BPIFB4: variants seen among roughly 807,000 people sequenced by gnomAD.
BPIFB4 encodes BPI fold-containing family B member 4.
BPIFB4 carries 62 observed loss-of-function variants against 69.2 expected under a neutral mutation model. The ratio of observed to expected loss-of-function variants is 0.90; its 90% CI spans 0.73 to 1.11. The LOEUF (loss-of-function observed/expected upper bound fraction) is 1.11. BPIFB4 is among the 50% of genes least tolerant of loss of function. The pLI, the probability that BPIFB4 is intolerant of heterozygous loss-of-function variation, is 0.00. For missense variants in BPIFB4, 789 were observed against 792.0 expected, an observed-to-expected ratio of 1.00 and a Z score of 0.04; for synonymous variants, 330 against 332.7, an observed-to-expected ratio of 0.99 and a Z score of 0.09.
intron 11 of BPIFB4, 114 bp from the exon 12 acceptor site, chr20:33,094,986 G>A (rs1600558865): frequency 1.0e-5 from 11 of 1,052,562 alleles, no homozygotes; most frequent in East Asian, 4.9e-5. Flanking sequence ...GAGAGAAGAC[G>A]AAGACGCCCT....
chr20:33,104,773 C>G (rs776910882), intron 15 of BPIFB4, 37 bp from the exon 16 acceptor site: 1 of 1,605,796 alleles, frequency 6.2e-7, no homozygotes, highest in African/African-American at 1.3e-5. Context: ...CTGAGCAAAC[C>G]CCCTGCCCAG....
intron 17 of BPIFB4, among the ~76,000 whole-genome samples, chr20:33,108,747 A>G (rs1054040411): frequency 1.1e-4 from 16 of 152,244 alleles, no homozygotes; most frequent in African/African-American, 3.9e-4. Context: ...GGCCTGGCAC[A>G]TAATAAGCAC....
intron 11 of BPIFB4, among the ~76,000 whole-genome samples, chr20:33,094,864 A>G (rs1380808684): frequency 6.6e-6 from 1 of 151,902 alleles, no homozygotes; most frequent in Non-Finnish European, 1.5e-5. Context: ...TCTTTGAAAC[A>G]CTCCTTGGTC....
chr20:33,089,540 C>T lies in BPIFB4; in HGVS notation c.1033C>T (p.Gln345Ter), dbSNP rs749270544. 6.2e-7 allele frequency: 1 copy of T among 1,614,224 alleles called. No individual in the cohort carries two copies. Among genetic ancestry groups the T allele is most frequent in the Non-Finnish European group, 8.5e-7 (1 of 1,180,034 alleles). ...VDVVLGLVND[Q>*]LGLVDSLIPL... Reference sequence around the variant, plus strand: ...TGTGGTGCTGGGTCTTGTCAATGACCAGCTGGGCCTCGTGGATTGTAAGTC... The same window carrying T: ...TGTGGTGCTGGGTCTTGTCAATGACTAGCTGGGCCTCGTGGATTGTAAGTC... The change falls in exon 9 of 18, where the codon CAG (glutamine) becomes TAG (stop). Residue 345 changes from glutamine (Q) to a stop codon, truncating the protein, a stop_gained. Transcript: ENST00000375483. LOFTEE classifies it high-confidence loss of function.
At chr20:33,083,306 G>A in intron 4 of BPIFB4, 61 bp from the exon 5 acceptor site, 2 of 1,540,436 alleles carry the variant, frequency 1.3e-6, no homozygotes, top group Non-Finnish European at 8.9e-7. Context: ...CAGTGGTGGT[G>A]GTCTTTTGGG....
intron 14 of BPIFB4, among the ~76,000 whole-genome samples, chr20:33,100,802 G>A (rs1264749059): frequency 6.6e-6 from 1 of 152,234 alleles, no homozygotes; most frequent in African/African-American, 2.4e-5. Context: ...GACTGATTGA[G>A]GCCAGGAGTT....
chr20:33,089,094 C>T lies in BPIFB4; in HGVS notation c.990+65C>T, dbSNP rs41289876. ...TTCCCCCAGACTGAGGGGCCATAGT[C>T]CAGCCTCCATCCCTGGGGGCCTGCA... On this transcript the variant is annotated intron_variant, in intron 8 of 17. Transcript: ENST00000375483. 8.0e-3 allele frequency: 12,855 copies of T among 1,610,108 alleles called. 90 individuals are homozygous for T. Among genetic ancestry groups the T allele is most frequent in the Middle Eastern group, 0.019 (116 of 6,050 alleles).
chr20:33,111,511 G>A lies in BPIFB4; in HGVS notation c.*74G>A, dbSNP rs1231163069. The A allele has an allele frequency of 3.2e-5, 50 of 1,580,152 alleles. No homozygotes were observed. Among genetic ancestry groups the A allele is most frequent in the Admixed American group, 8.5e-5 (5 of 58,530 alleles). ...CCCAGAGAGGCTCGGCCTGGAAACA[G>A]TCCCCTGCCCAGAGTCCCCTCAGCC... On this transcript the variant is annotated 3_prime_UTR_variant, in exon 18 of 18. Transcript: ENST00000375483.
Position 33,092,557 on chromosome 20 carries a change from A to T in BPIFB4, c.1243A>T (p.Asn415Tyr). 6.2e-7 allele frequency: 1 copy of T among 1,614,138 alleles called. No individual in the cohort carries two copies. The highest frequency in any genetic ancestry group is 8.5e-7 in the Non-Finnish European group (1 of 1,180,028). The change falls in exon 11 of 18, where the codon AAC becomes TAC. Residue 415 changes from asparagine (N) to tyrosine (Y), a missense_variant. By Grantham distance (143) the Asn-to-Tyr change is moderately radical. This residue lies in a region of BPIFB4 where 611 missense variants were observed against 575.4 expected (regional missense o/e 1.06). Coordinates refer to ENST00000375483, the MANE Select transcript of BPIFB4 (RefSeq NM_182519.3). Reference protein sequence around the residue: ...PMPELPPMGDNTKSQLAMSAN... With the variant: ...PMPELPPMGDYTKSQLAMSAN... ...GCCAGAGCTGCCTCCCATGGGTGAC[A>T]ACACCAAGTCCCAGCTGGCCATGTC...
chr20:33,084,923 G>A lies in BPIFB4; in HGVS notation c.709G>A (p.Val237Met). ...TATCGTGGAGCTGACCCTCCCTCGG[G>A]TGTCCGTGCGGCTCCTGCCCGGCGT... ...LRIVELTLPR[V>M]SVRLLPGVGV... Residue 237 changes from valine (V) to methionine (M), a missense_variant, in exon 6 of 18, where the codon GTG becomes ATG. This residue lies in a region of BPIFB4 where 611 missense variants were observed against 575.4 expected (regional missense o/e 1.06). Transcript: ENST00000375483. The A allele has an allele frequency of 6.2e-7, 1 of 1,610,536 alleles. No individual in the cohort carries two copies. Among genetic ancestry groups the A allele is most frequent in the Non-Finnish European group, 8.5e-7 (1 of 1,179,984 alleles).
intron 11 of BPIFB4, among the ~76,000 whole-genome samples, chr20:33,094,156 C>T (rs1981692038): frequency 6.6e-6 from 1 of 152,252 alleles, no homozygotes; most frequent in African/African-American, 2.4e-5. Context: ...AGTTAGCCCT[C>T]TCTTGCACTT....
At chr20:33,099,523 G>A (rs1260145326) in intron 13 of BPIFB4, among the ~76,000 whole-genome samples, 1 of 152,152 alleles carries the variant, frequency 6.6e-6, no homozygotes, top group Non-Finnish European at 1.5e-5. Flanking sequence ...TGCCTGGCTT[G>A]GTCCCTTTTC....
chr20:33,081,699 G>A, intron 3 of BPIFB4, 67 bp downstream of exon 3: 1 of 1,535,890 alleles, frequency 6.5e-7, no homozygotes, highest in Non-Finnish European at 8.8e-7. Context: ...CAACTCTGAA[G>A]TACCCAGGAA....
intron 8 of BPIFB4, 109 bp from the exon 9 acceptor site, chr20:33,089,389 C>T: frequency 1.3e-6 from 2 of 1,545,594 alleles, no homozygotes; most frequent in Non-Finnish European, 1.8e-6. Context: ...GTGCCTGGCA[C>T]AGAGCAAGCA....
intron 17 of BPIFB4, among the ~76,000 whole-genome samples, chr20:33,110,268 C>G (rs990065194): frequency 3.9e-5 from 6 of 152,106 alleles, no homozygotes; most frequent in African/African-American, 7.2e-5. Flanking sequence ...TGAGTCTGGC[C>G]TATTTTGTGC....
chr20:33,106,337 G>A (rs1306024845), intron 16 of BPIFB4, among the ~76,000 whole-genome samples: 2 of 151,716 alleles, frequency 1.3e-5, no homozygotes, highest in Non-Finnish European at 2.9e-5. Flanking sequence ...ATGACTGGGC[G>A]AAGGGCTGGG....
intron 2 of BPIFB4, among the ~76,000 whole-genome samples, chr20:33,080,855 T>C (rs1273992418): frequency 5.9e-5 from 9 of 151,774 alleles, no homozygotes; most frequent in Non-Finnish European, 1.0e-4. Flanking sequence ...GGATGACAGA[T>C]GGATGATAGA....
intron 5 of BPIFB4, among the ~76,000 whole-genome samples, chr20:33,084,337 A>C (rs1419076280): frequency 6.6e-6 from 1 of 152,228 alleles, no homozygotes; most frequent in East Asian, 1.9e-4. Flanking sequence ...TAAGCCAAGA[A>C]AAGACACATT....
chr20:33,107,241 A>AAGGAAG (rs1568589335), intron 16 of BPIFB4, among the ~76,000 whole-genome samples: 6 of 108,570 alleles, frequency 5.5e-5, no homozygotes, highest in African/African-American at 1.9e-4. Context: ...AAGGAAGGAA[A>AAGGAAG]GAAAAGAAAA....
Sources: allele counts gnomAD v4.1 joint callset (sites outside exome capture counted in the v4.1 genomes callset), GRCh38; gene constraint gnomAD v4.1.1; regional missense constraint gnomAD v4.1.1; transcripts MANE v1.5; gene names NCBI Gene and HGNC (gene_info 2026-07-23, HGNC 2026-07-21).